The following SLC6A3 variants were observed in gnomAD, a reference collection of about 807,000 sequenced individuals.
SLC6A3 encodes sodium-dependent dopamine transporter.
SLC6A3 carries 19 observed loss-of-function variants against 70.4 expected under a neutral mutation model. That is an observed-to-expected ratio of 0.27 (90% confidence interval 0.19 to 0.40). SLC6A3 has a LOEUF of 0.40. Ranked by LOEUF, SLC6A3 falls within the 10% of genes least tolerant of loss-of-function variation. The pLI, the probability that SLC6A3 is intolerant of heterozygous loss-of-function variation, is 1.00. For synonymous variants in SLC6A3, 368 were observed against 356.6 expected (o/e 1.03, Z -0.36); for missense variants, 613 against 838.5 (o/e 0.73, Z 3.32).
chr5:1,405,485 A>G lies in SLC6A3; in HGVS notation c.1599+703T>C, dbSNP rs556751970. Among the ~76,000 whole-genome samples, 6 of 152,328 alleles carry G rather than the reference A, an allele frequency of 3.9e-5. No individual in the cohort carries two copies. Among genetic ancestry groups the G allele is most frequent in the Non-Finnish European group, 8.8e-5 (6 of 68,034 alleles). The stretch of plus-strand genomic sequence containing the variant: ...AGGTGCTTCTCTACGTGAGCAGCTC[A>G]CGGGACACTCTGCTTAGACTTGGAC... On this transcript the variant is annotated intron_variant, in intron 12 of 14. Transcript: ENST00000270349. This position sits in a 1 kb window ranked among gnomAD's most constrained non-coding sequence, Gnocchi z 5.3.
chr5:1,395,458 C>T (rs1040087001), intron 14 of SLC6A3, among the ~76,000 whole-genome samples: 9 of 152,242 alleles, frequency 5.9e-5, no homozygotes, highest in African/African-American at 1.4e-4. Context: ...GACAAAACCA[C>T]GCCGGCCATG....
chr5:1,409,153 A>C, intron 10 of SLC6A3, 28 bp from the exon 11 acceptor site: 3 of 1,518,436 alleles, frequency 2.0e-6, no homozygotes, highest in Non-Finnish European at 9.0e-7. Context: ...CTGTGGACCT[A>C]CAGAAGGGCT....
chr5:1,439,288 A>G (rs1756914982), intron 3 of SLC6A3, among the ~76,000 whole-genome samples: 1 of 117,878 alleles, frequency 8.5e-6, no homozygotes, highest in Non-Finnish European at 1.6e-5. Flanking sequence ...GCATGCCCAA[A>G]GCATCTGTCT....
At chr5:1,414,557 G>A (rs1247241574) in intron 8 of SLC6A3, 134 bp downstream of exon 8, 2 of 1,052,314 alleles carry the variant, frequency 1.9e-6, no homozygotes, top group Admixed American at 2.0e-5. Context: ...TCCTTCAAGA[G>A]TGAGGCAGCA....
In SLC6A3 at chr5:1,442,868, C is replaced by T; in HGVS notation, c.286+44G>A. 2.5e-6 allele frequency: 4 copies of T among 1,610,270 alleles called. No homozygotes were observed. Among genetic ancestry groups the T allele is most frequent in the Non-Finnish European group, 3.4e-6 (4 of 1,176,796 alleles). On this transcript the variant is annotated intron_variant, in intron 2 of 14. Coordinates refer to ENST00000270349, the MANE Select transcript of SLC6A3 (RefSeq NM_001044.5). The surrounding 1 kb of genome is among the most constrained non-coding windows in gnomAD (Gnocchi z 5.0). ...CCTTGGCCCCGGCTGCCCCTACGAC[C>T]CCCGCCCGGCCAGCATGCTCAGGGA...
intron 4 of SLC6A3, among the ~76,000 whole-genome samples, chr5:1,431,258 G>C (rs1756694676): frequency 6.6e-6 from 1 of 152,254 alleles, no homozygotes; most frequent in Non-Finnish European, 1.5e-5. Flanking sequence ...TCCAGGCTGG[G>C]CCAGGCCATT....
chr5:1,430,865 CAA>C (rs1468775236), intron 4 of SLC6A3, among the ~76,000 whole-genome samples: 2 of 151,008 alleles, frequency 1.3e-5, no homozygotes, highest in African/African-American at 4.9e-5. Context: ...TTTTCTGACT[CAA>C]AACAAATTTT....
At chr5:1,400,429 A>G (rs535376707) in intron 14 of SLC6A3, among the ~76,000 whole-genome samples, 26 of 152,126 alleles carry the variant, frequency 1.7e-4, no homozygotes, top group African/African-American at 6.3e-4. Context: ...GGGTGCAGGA[A>G]ACACCTGGCG....
At chr5:1,417,377 C>A (rs1228218904) in intron 6 of SLC6A3, among the ~76,000 whole-genome samples, 1 of 152,192 alleles carries the variant, frequency 6.6e-6, no homozygotes, top group African/African-American at 2.4e-5. Context: ...AGGCATGGAC[C>A]CATCCACATG....
Position 1,394,807 on chromosome 5 carries a change from T to A in SLC6A3, c.1840-49A>T. The stretch of plus-strand genomic sequence containing the variant: ...AGAAACCCTGGGGCGATGCCCCATT[T>A]AAGAGCAGCTGAAGGTGGCTAAGAG... On this transcript the variant is annotated intron_variant, in intron 14 of 14. Transcript: ENST00000270349. The surrounding 1 kb of genome is among the most constrained non-coding windows in gnomAD (Gnocchi z 4.7). 1 of 1,601,920 alleles carries A rather than the reference T, an allele frequency of 6.2e-7. No homozygotes were observed. The highest frequency in any genetic ancestry group is 8.5e-7 in the Non-Finnish European group (1 of 1,170,852).
intron 2 of SLC6A3, 76 bp from the exon 3 acceptor site, chr5:1,441,566 C>T (rs1579728204): frequency 1.4e-5 from 21 of 1,529,396 alleles, no homozygotes; most frequent in East Asian, 1.4e-4. Context: ...TGGGCGGCTA[C>T]CCCAGTCAAC....
chr5:1,421,026 A>G lies in SLC6A3; in HGVS notation c.793-323T>C, dbSNP rs927295684. On this transcript the variant is annotated intron_variant, in intron 5 of 14. Transcript: ENST00000270349. This position sits in a 1 kb window ranked among gnomAD's most constrained non-coding sequence, Gnocchi z 7.2. ...TGATGCGTGGGACGTGAGTGGATTCACACTGGTGAACGGCACTGTGGCACG... is the reference window on the plus strand; with the variant it reads ...TGATGCGTGGGACGTGAGTGGATTCGCACTGGTGAACGGCACTGTGGCACG... Among the ~76,000 whole-genome samples the G allele has an allele frequency of 2.0e-5, 3 of 152,100 alleles. No homozygotes were observed. Among genetic ancestry groups the G allele is most frequent in the African/African-American group, 7.2e-5 (3 of 41,406 alleles).
intron 4 of SLC6A3, among the ~76,000 whole-genome samples, chr5:1,429,403 G>A (rs754546910): frequency 3.4e-4 from 52 of 152,322 alleles, no homozygotes; most frequent in Middle Eastern, 3.4e-3. Flanking sequence ...GTGCCAGTGC[G>A]GACAGGGCTT....
In SLC6A3 at chr5:1,404,185, G is replaced by A. The variant is rs1486844241; in HGVS notation, c.1600-1096C>T. 1.3e-5 allele frequency among the ~76,000 whole-genome samples: 2 copies of A among 152,182 alleles called. No homozygotes were observed. Among genetic ancestry groups the A allele is most frequent in the Non-Finnish European group, 2.9e-5 (2 of 68,038 alleles). On this transcript the variant is annotated intron_variant, in intron 12 of 14. Transcript: ENST00000270349. The surrounding 1 kb of genome is among the most constrained non-coding windows in gnomAD (Gnocchi z 5.2). The stretch of plus-strand genomic sequence containing the variant: ...CAGCATCTTCTTCATGCGCTACTTC[G>A]GGCCACTTGTAGGTTTGGAGCCGGC...
At chr5:1,417,508 G>A (rs1334915375) in intron 6 of SLC6A3, among the ~76,000 whole-genome samples, 1 of 152,254 alleles carries the variant, frequency 6.6e-6, no homozygotes, top group Non-Finnish European at 1.5e-5. Flanking sequence ...CCCACCTGCA[G>A]CTTAGACACT....
At chr5:1,444,165 A>C (rs1462543580) in intron 1 of SLC6A3, among the ~76,000 whole-genome samples, 1 of 152,216 alleles carries the variant, frequency 6.6e-6, no homozygotes, top group Non-Finnish European at 1.5e-5. Flanking sequence ...AGCTGGGCGG[A>C]GGATGGACAG....
rs28363132 is a variant in SLC6A3, at chr5:1,402,769, C to T, written c.1767+153G>A. On this transcript the variant is annotated intron_variant, in intron 13 of 14. Coordinates refer to ENST00000270349, the MANE Select transcript of SLC6A3 (RefSeq NM_001044.5). This position sits in a 1 kb window ranked among gnomAD's most constrained non-coding sequence, Gnocchi z 8.5. ...CCGGGCGTGCAGGTGGACACACACA[C>T]GCACACACACACACAGTGTTGTGGT... is the stretch of plus-strand genomic sequence containing the variant. Among the ~76,000 whole-genome samples the T allele has an allele frequency of 5.1e-4, 78 of 152,284 alleles. No homozygotes were observed. The East Asian group carries it at 9.9e-3, about 19-fold the overall frequency.
In SLC6A3 at chr5:1,414,748, A is replaced by G; in HGVS notation, c.1099T>C (p.Phe367Leu). The change falls in exon 8 of 15, where the codon TTC becomes CTC. Residue 367 changes from phenylalanine to leucine, a missense_variant. Coordinates refer to ENST00000270349, the MANE Select transcript of SLC6A3 (RefSeq NM_001044.5). ...SFSSGFVVFS[F>L]LGYMAQKHSV... is the part of the protein sequence containing the mutation. ...TGCTTCTGTGCCATGTACCCCAGGA[A>G]GGAGAAGACGACGAAGCCGGAGGAG... 1 of 1,612,862 alleles carries G rather than the reference A, an allele frequency of 6.2e-7. No homozygotes were observed. The highest frequency in any genetic ancestry group is 1.3e-5 in the African/African-American group (1 of 75,004).
At chr5:1,429,534 C>T (rs1756647262) in intron 4 of SLC6A3, among the ~76,000 whole-genome samples, 1 of 152,218 alleles carries the variant, frequency 6.6e-6, no homozygotes, top group South Asian at 2.1e-4. Context: ...TTCTAGCATT[C>T]TTAACAACGA....
Sources: gnomAD v4.1 joint callset for allele counts (sites outside exome capture counted in the v4.1 genomes callset) on GRCh38, gnomAD v4.1.1 for gene constraint, Gnocchi (gnomAD v3.1) non-coding constraint, MANE v1.5 for transcripts, NCBI Gene and HGNC (gene_info 2026-07-23, HGNC 2026-07-21) for gene names.